Variants in RAB3C observed in about 807,000 individuals in gnomAD.
RAB3C encodes the protein ras-related protein Rab-3C.
In RAB3C, 17 loss-of-function variants were observed where a neutral mutation model predicts 26.4. The ratio of observed to expected loss-of-function variants is 0.64; its 90% CI spans 0.44 to 0.97. RAB3C has a LOEUF of 0.97. Ranked by LOEUF, RAB3C falls within the 50% of genes least tolerant of loss-of-function variation. The pLI is 0.00. For missense variants in RAB3C, 242 were observed against 281.9 expected (o/e 0.86, Z 1.01); for synonymous variants, 91 against 95.9 (o/e 0.95, Z 0.30).
intron 1 of RAB3C, among the ~76,000 whole-genome samples, chr5:58,612,632 G>A (rs1386563799): frequency 6.7e-6 from 1 of 149,488 alleles, no homozygotes; most frequent in Non-Finnish European, 1.5e-5. Context: ...GACTGTTATT[G>A]GTGTTTAGGA....
chr5:58,813,303 G>A (rs1296743095), intron 3 of RAB3C, among the ~76,000 whole-genome samples: 1 of 152,010 alleles, frequency 6.6e-6, no homozygotes, highest in East Asian at 1.9e-4. Context: ...ACTCCCACTA[G>A]AGTGACCAAT....
chr5:58,609,522 G>A (rs766496780), intron 1 of RAB3C, among the ~76,000 whole-genome samples: 4 of 152,114 alleles, frequency 2.6e-5, no homozygotes, highest in South Asian at 2.1e-4. Flanking sequence ...TGTAAGACCC[G>A]TGCTGCTGTT....
At chr5:58,797,347 AAAAAAAATATGTATATATATAATAT>A (rs1397837047) in intron 3 of RAB3C, among the ~76,000 whole-genome samples, 240 of 6,072 alleles carry the variant, frequency 0.04, 6 homozygotes, top group African/African-American at 0.11. Flanking sequence ...GACAAAAAAA[AAAAAAAATATGTATATATATAATAT>A]ATATATATAT....
chr5:58,707,046 G>A (rs1014282331), intron 2 of RAB3C, among the ~76,000 whole-genome samples: 13 of 152,272 alleles, frequency 8.5e-5, no homozygotes, highest in African/African-American at 3.1e-4. Flanking sequence ...TCTGGCAGAA[G>A]TTTTAAAGCT....
At chr5:58,731,927 A>G (rs750036383) in intron 3 of RAB3C, among the ~76,000 whole-genome samples, 1 of 151,964 alleles carries the variant, frequency 6.6e-6, no homozygotes, top group Non-Finnish European at 1.5e-5. Context: ...TGCCCATGTC[A>G]TGATAACACA....
chr5:58,629,027 G>GAAA (rs70973148), intron 2 of RAB3C, among the ~76,000 whole-genome samples: 23 of 56,066 alleles, frequency 4.1e-4, no homozygotes, highest in South Asian at 8.9e-4. Flanking sequence ...CTCACTTCTG[G>GAAA]AAAAAAAAAA....
intron 3 of RAB3C, among the ~76,000 whole-genome samples, chr5:58,739,351 T>A (rs2111943354): frequency 6.6e-6 from 1 of 152,328 alleles, no homozygotes; most frequent in East Asian, 1.9e-4. Flanking sequence ...ACTCTCTATG[T>A]ATTTTCAAGT....
chr5:58,631,519 G>A (rs935122049), intron 2 of RAB3C, among the ~76,000 whole-genome samples: 2 of 152,168 alleles, frequency 1.3e-5, no homozygotes, highest in Non-Finnish European at 1.5e-5. Flanking sequence ...AGGAATGAAT[G>A]AGCTTTCAGC....
At chr5:58,605,701 C>A (rs543792708) in intron 1 of RAB3C, among the ~76,000 whole-genome samples, 1 of 152,128 alleles carries the variant, frequency 6.6e-6, no homozygotes, top group Non-Finnish European at 1.5e-5. Context: ...AGTTCAAGAT[C>A]ATCTTGGCCA....
chr5:58,650,231 G>A (rs896946381), intron 2 of RAB3C, among the ~76,000 whole-genome samples: 11 of 152,082 alleles, frequency 7.2e-5, no homozygotes, highest in Non-Finnish European at 1.6e-4. Flanking sequence ...TATGATATGA[G>A]GGTTTCTAAC....
intron 2 of RAB3C, among the ~76,000 whole-genome samples, chr5:58,662,114 A>G (rs974340054): frequency 6.7e-6 from 1 of 149,696 alleles, no homozygotes; most frequent in Non-Finnish European, 1.5e-5. Flanking sequence ...GGTCTCCTTT[A>G]GGTCTTAGAT....
intron 2 of RAB3C, among the ~76,000 whole-genome samples, chr5:58,643,842 G>C (rs1479839194): frequency 6.6e-6 from 1 of 152,176 alleles, no homozygotes; most frequent in Non-Finnish European, 1.5e-5. Context: ...TTGTTTTTGA[G>C]ATGGAGTCTC....
At chr5:58,608,807 G>A (rs1199878605) in intron 1 of RAB3C, among the ~76,000 whole-genome samples, 3 of 152,170 alleles carry the variant, frequency 2.0e-5, no homozygotes, top group African/African-American at 4.8e-5. Flanking sequence ...ATCAAAGGTA[G>A]ACTGGATTAA....
At chr5:58,787,394 A>G (rs531532509) in intron 3 of RAB3C, among the ~76,000 whole-genome samples, 1 of 152,374 alleles carries the variant, frequency 6.6e-6, no homozygotes, top group South Asian at 2.1e-4. Flanking sequence ...TGAGAAGAAC[A>G]TACAGAAAAA....
rs1376220324 is a variant in RAB3C at position 58,857,064 on chromosome 5, C to T, written c.*5713C>T. ...AAATAGATTTGTTTTCTATTTTCAA[C>T]ACCTCAGAATTGAGGGTTCATGGGC... On this transcript the variant is annotated 3_prime_UTR_variant, in exon 5 of 5. Transcript: ENST00000282878. The T allele has an allele frequency of 2.6e-5, 4 of 152,136 alleles. No homozygotes were observed. The highest frequency in any genetic ancestry group is 2.6e-4 in the Admixed American group (4 of 15,256). The allele number at this position is 152,136 out of a possible 1,614,324, so 9.4% of individuals were successfully genotyped here. A position where few individuals can be genotyped will look rare whatever the true frequency, so the allele number is the denominator to read the frequency against.
intron 3 of RAB3C, among the ~76,000 whole-genome samples, chr5:58,801,771 G>C (rs1393036809): frequency 6.6e-6 from 1 of 152,204 alleles, no homozygotes; most frequent in African/African-American, 2.4e-5. Context: ...GTAATACCAG[G>C]ACCACTTTGT....
At chr5:58,797,318 G>T (rs1742678154) in intron 3 of RAB3C, among the ~76,000 whole-genome samples, 1 of 127,576 alleles carries the variant, frequency 7.8e-6, no homozygotes, top group Non-Finnish European at 1.6e-5. Context: ...CAGCACCAAG[G>T]ATATCAGACT....
In RAB3C at chr5:58,681,299, A is replaced by G. The variant is rs527882669; in HGVS notation, c.253-44703A>G. Among the ~76,000 whole-genome samples, 31 of 152,342 alleles carry G rather than the reference A, an allele frequency of 2.0e-4. No individual in the cohort carries two copies. The South Asian group carries it at 5.2e-3, about 25-fold the overall frequency. Reference sequence around the variant, plus strand: ...TAAATCAAGGACTTCCACAATCATTACAGATGAATATTGGGATATTGCCAA... The same window carrying G: ...TAAATCAAGGACTTCCACAATCATTGCAGATGAATATTGGGATATTGCCAA... On this transcript the variant is annotated intron_variant, in intron 2 of 4. Transcript: ENST00000282878.
chr5:58,692,820 T>C (rs928646297), intron 2 of RAB3C, among the ~76,000 whole-genome samples: 1 of 152,052 alleles, frequency 6.6e-6, no homozygotes, highest in African/African-American at 2.4e-5. Context: ...CAAAATATAA[T>C]TTCTTGGCTG....
Sources: gnomAD v4.1 joint callset for allele counts (sites outside exome capture counted in the v4.1 genomes callset) on GRCh38, gnomAD v4.1.1 for gene constraint, MANE v1.5 for transcripts, NCBI Gene and HGNC (gene_info 2026-07-23, HGNC 2026-07-21) for gene names.